The following TAOK1 variants were observed in gnomAD, a reference collection of about 807,000 sequenced individuals.
TAOK1 encodes the protein TAO kinase 1.
Under a neutral mutation model 138.3 loss-of-function variants are expected in TAOK1, and 21 were observed. The observed-to-expected ratio is 0.15, with a 90% CI of 0.11 to 0.22. The LOEUF (loss-of-function observed/expected upper bound fraction) is 0.22, where lower values mean the gene tolerates loss of function less well. TAOK1 is among the 10% of genes least tolerant of loss of function. The pLI is 1.00. For synonymous variants in TAOK1, 361 were observed against 398.4 expected, an observed-to-expected ratio of 0.91 and a Z score of 1.12; for missense variants, 651 against 1,227.7, an observed-to-expected ratio of 0.53 and a Z score of 7.02.
chr17:29,443,543 C>T (rs575895386), intron 1 of TAOK1, among the ~76,000 whole-genome samples: 1 of 152,274 alleles, frequency 6.6e-6, no homozygotes, highest in Non-Finnish European at 1.5e-5. Context: ...ATGCCTTTCA[C>T]ATTTGCAAGT....
At chr17:29,397,593 A>G in intron 1 of TAOK1, among the ~76,000 whole-genome samples, 1 of 89,790 alleles carries the variant, frequency 1.1e-5, no homozygotes, top group Non-Finnish European at 2.1e-5. Context: ...ACAGAGTGAG[A>G]TTCCGTCCCC....
At chr17:29,529,998 G>T (rs1178543176) in intron 17 of TAOK1, among the ~76,000 whole-genome samples, 1 of 151,690 alleles carries the variant, frequency 6.6e-6, no homozygotes, top group East Asian at 1.9e-4. Context: ...CTGCACTCCA[G>T]CCTGGGTAAC....
Position 29,542,588 on chromosome 17 carries a change from A to C in TAOK1, c.2572A>C (p.Asn858His). Residue 858 changes from asparagine to histidine, a missense_variant, in exon 20 of 20, where the codon AAT becomes CAT. Around this residue, in one of 8 missense-constraint regions of TAOK1, gnomAD observed 258 missense variants for 548.9 expected, o/e 0.47. Transcript: ENST00000261716. Reference protein sequence around the residue: ...KIEEEMLALQNERTERIRSLL... With the variant: ...KIEEEMLALQHERTERIRSLL... ...TGAAGAAGAGATGTTGGCTTTGCAG[A>C]ATGAGCGCACAGAACGAATACGAAG... 1 of 1,604,828 alleles carries C rather than the reference A, an allele frequency of 6.2e-7. No individual in the cohort carries two copies. The highest frequency in any genetic ancestry group is 8.5e-7 in the Non-Finnish European group (1 of 1,174,470).
intron 13 of TAOK1, among the ~76,000 whole-genome samples, chr17:29,503,252 C>T (rs1969342): frequency 0.16 from 24,317 of 151,690 alleles, 2,070 homozygotes; most frequent in Admixed American, 0.21. Flanking sequence ...AAAAATTAGC[C>T]GGGCGTGGTG....
At chr17:29,481,831 G>A (rs1341326261) in intron 7 of TAOK1, among the ~76,000 whole-genome samples, 1 of 152,036 alleles carries the variant, frequency 6.6e-6, no homozygotes, top group East Asian at 1.9e-4. Context: ...ATGGTGGCGG[G>A]CGCCTGTAGT....
At chr17:29,539,243 A>G (rs1265914784) in intron 19 of TAOK1, among the ~76,000 whole-genome samples, 1 of 152,180 alleles carries the variant, frequency 6.6e-6, no homozygotes, top group Non-Finnish European at 1.5e-5. Flanking sequence ...AGCCTGGGCA[A>G]CAGACCAGAC....
At chr17:29,518,677 G>A (rs2031861910) in intron 16 of TAOK1, among the ~76,000 whole-genome samples, 1 of 152,124 alleles carries the variant, frequency 6.6e-6, no homozygotes, top group Non-Finnish European at 1.5e-5. Context: ...CTGACTCACA[G>A]TAGGCATTCA....
At chr17:29,511,027 C>G (rs1328754989) in intron 15 of TAOK1, 35 bp downstream of exon 15, 3 of 1,563,952 alleles carry the variant, frequency 1.9e-6, no homozygotes. Flanking sequence ...AGCAAATTTT[C>G]TGCTTATTAA....
chr17:29,458,554 A>G lies in TAOK1; in HGVS notation c.132+6874A>G, dbSNP rs144081678. Among the ~76,000 whole-genome samples the G allele has an allele frequency of 6.6e-3, 1,011 of 152,258 alleles. 43 individuals are homozygous for G. Among genetic ancestry groups the G allele is most frequent in the Admixed American group, 0.058 (888 of 15,292 alleles). On this transcript the variant is annotated intron_variant, in intron 2 of 19. Coordinates refer to ENST00000261716, the MANE Select transcript of TAOK1 (RefSeq NM_020791.4). ...GCTCTCTTACCCAGGCTGGAGTGCA[A>G]TGGCACAATCTTGTCACACTGCAAC...
At chr17:29,449,713 T>C (rs1177484948) in intron 1 of TAOK1, among the ~76,000 whole-genome samples, 3 of 151,996 alleles carry the variant, frequency 2.0e-5, no homozygotes, top group Non-Finnish European at 4.4e-5. Flanking sequence ...CGGTGGTGCG[T>C]GCCTGTAGTC....
Position 29,530,780 on chromosome 17 carries a change from G to A in TAOK1, c.2361+161G>A, listed in dbSNP as rs866481618. 29 of 651,252 alleles carry A rather than the reference G, an allele frequency of 4.5e-5. No individual in the cohort carries two copies. In the Middle Eastern group the frequency reaches 1.5e-3, roughly 33 times the overall value. 40.3% of individuals were successfully genotyped at this position (651,252 alleles called of 1,614,324 possible). ...TTTCTTCCTGTTCTCAACATTGCTTGAAAATGTCATGATGCATGTAGAATT... is the reference window on the plus strand; with the variant it reads ...TTTCTTCCTGTTCTCAACATTGCTTAAAAATGTCATGATGCATGTAGAATT... On this transcript the variant is annotated intron_variant, in intron 18 of 19. Transcript: ENST00000261716.
Position 29,543,076 on chromosome 17 carries a change from CTACAGACATCA to C in TAOK1, c.*56_*66del. 1.4e-6 allele frequency: 2 copies of C among 1,439,736 alleles called. No individual in the cohort carries two copies. The highest frequency in any genetic ancestry group is 1.9e-6 in the Non-Finnish European group (2 of 1,070,510). 89.2% of individuals were successfully genotyped at this position (1,439,736 alleles called of 1,614,324 possible). On this transcript the variant is annotated 3_prime_UTR_variant, in exon 20 of 20. Transcript: ENST00000261716. ...GGAGCTGTCTGCCAAAAGAAACTGC[CTACAGACATCA>C]TCACAGCAGCCTCCTCACTTGGGTA...
chr17:29,524,998 C>T (rs2031984123), intron 17 of TAOK1, among the ~76,000 whole-genome samples: 1 of 152,164 alleles, frequency 6.6e-6, no homozygotes, highest in African/African-American at 2.4e-5. Flanking sequence ...TTAGTATAAG[C>T]ATTAATTTTA....
chr17:29,522,257 T>A, intron 16 of TAOK1, 23 bp from the exon 17 acceptor site: 1 of 1,612,130 alleles, frequency 6.2e-7, no homozygotes, highest in East Asian at 2.2e-5. Flanking sequence ...AGTTATACCT[T>A]TGTCTTTTGT....
intron 1 of TAOK1, among the ~76,000 whole-genome samples, chr17:29,404,560 G>C (rs1904940523): frequency 6.6e-6 from 1 of 152,188 alleles, no homozygotes; most frequent in Admixed American, 6.6e-5. Context: ...GGGAGACTGA[G>C]ACAAGGGGAT....
At chr17:29,516,295 G>A (rs1180309931) in intron 15 of TAOK1, among the ~76,000 whole-genome samples, 2 of 151,918 alleles carry the variant, frequency 1.3e-5, no homozygotes, top group Middle Eastern at 3.2e-3. Context: ...GATGCAAAAT[G>A]ATAATATTCA....
At chr17:29,516,829 GT>G (rs1020183377) in intron 15 of TAOK1, among the ~76,000 whole-genome samples, 6 of 151,342 alleles carry the variant, frequency 4.0e-5, no homozygotes, top group Admixed American at 4.0e-4. Flanking sequence ...GTTGTTGTTG[GT>G]TTTTTTGTTT....
At chr17:29,491,378 T>C (rs1027121458) in intron 9 of TAOK1, among the ~76,000 whole-genome samples, 11 of 151,846 alleles carry the variant, frequency 7.2e-5, no homozygotes, top group Non-Finnish European at 1.5e-4. Flanking sequence ...TTCTGAAACA[T>C]GCTATATAGA....
intron 1 of TAOK1, among the ~76,000 whole-genome samples, chr17:29,411,387 G>A (rs906146878): frequency 3.0e-4 from 46 of 151,572 alleles, no homozygotes; most frequent in African/African-American, 1.1e-3. Flanking sequence ...CACCGCGCCC[G>A]GCCTTCTTTT....
Sources: gnomAD v4.1 joint callset for allele counts (sites outside exome capture counted in the v4.1 genomes callset) on GRCh38, gnomAD v4.1.1 for gene constraint, gnomAD v4.1.1 regional missense constraint, MANE v1.5 for transcripts, NCBI Gene and HGNC (gene_info 2026-07-23, HGNC 2026-07-21) for gene names.